The following ENOX1 variants were observed in gnomAD, a reference collection of about 807,000 sequenced individuals.
The protein encoded by ENOX1 is ecto-NOX disulfide-thiol exchanger 1.
A neutral mutation model predicts 82.5 loss-of-function variants in ENOX1; 42 were observed. The ratio of observed to expected loss-of-function variants is 0.51; its 90% CI spans 0.40 to 0.66. ENOX1 has a LOEUF of 0.66. Ranked by LOEUF, ENOX1 falls within the 30% of genes least tolerant of loss-of-function variation. ENOX1 has a pLI of 0.00. For missense variants in ENOX1, 608 were observed against 811.6 expected, an observed-to-expected ratio of 0.75 and a Z score of 3.05; for synonymous variants, 271 against 282.2, an observed-to-expected ratio of 0.96 and a Z score of 0.40.
intron 3 of ENOX1, among the ~76,000 whole-genome samples, chr13:43,452,288 C>T (rs970665866): frequency 6.6e-6 from 1 of 152,132 alleles, no homozygotes; most frequent in Non-Finnish European, 1.5e-5. Context: ...CACCCCTTGA[C>T]GGGCCCTGGT....
intron 2 of ENOX1, among the ~76,000 whole-genome samples, chr13:43,498,229 G>A (rs904144768): frequency 1.2e-4 from 18 of 151,874 alleles, no homozygotes; most frequent in African/African-American, 1.7e-4. Flanking sequence ...CCTCAGAGGC[G>A]GAAATATCTT....
At chr13:43,740,985 C>G (rs1239984590) in intron 1 of ENOX1, among the ~76,000 whole-genome samples, 2 of 151,924 alleles carry the variant, frequency 1.3e-5, no homozygotes, top group Non-Finnish European at 2.9e-5. Flanking sequence ...TTTCAGTTCT[C>G]TCGGGTAAAT....
chr13:43,464,300 AAC>A (rs1462165681), intron 3 of ENOX1, among the ~76,000 whole-genome samples: 1 of 152,228 alleles, frequency 6.6e-6, no homozygotes, highest in Non-Finnish European at 1.5e-5. Flanking sequence ...GCAAGAGGTC[AAC>A]AGATGATGAA....
chr13:43,421,206 G>T (rs1437949678), intron 3 of ENOX1, among the ~76,000 whole-genome samples: 1 of 152,148 alleles, frequency 6.6e-6, no homozygotes, highest in African/African-American at 2.4e-5. Context: ...GTCTTCTTTA[G>T]TATCTAACTA....
At chr13:43,335,356 A>G (rs2048636810) in intron 9 of ENOX1, among the ~76,000 whole-genome samples, 1 of 152,234 alleles carries the variant, frequency 6.6e-6, no homozygotes, top group African/African-American at 2.4e-5. Flanking sequence ...GCTTTAAAGT[A>G]ACTTTACTGA....
chr13:43,590,650 C>T (rs899951651), intron 2 of ENOX1, among the ~76,000 whole-genome samples: 16 of 151,810 alleles, frequency 1.1e-4, no homozygotes, highest in African/African-American at 3.6e-4. Context: ...GTGGCACGCG[C>T]CTGTAGTCCC....
At chr13:43,440,490 C>T (rs1001934772) in intron 3 of ENOX1, among the ~76,000 whole-genome samples, 2 of 151,994 alleles carry the variant, frequency 1.3e-5, no homozygotes, top group Non-Finnish European at 2.9e-5. Context: ...ATTTTACTGC[C>T]CTGAGATTGA....
chr13:43,455,814 C>T (rs1032602403), intron 3 of ENOX1, among the ~76,000 whole-genome samples: 1 of 151,850 alleles, frequency 6.6e-6, no homozygotes, highest in Non-Finnish European at 1.5e-5. Context: ...GGGGAAACCC[C>T]GTTTGCTTGC....
At chr13:43,648,986 C>G (rs2084026008) in intron 2 of ENOX1, among the ~76,000 whole-genome samples, 1 of 152,154 alleles carries the variant, frequency 6.6e-6, no homozygotes, top group Admixed American at 6.5e-5. Flanking sequence ...AGACACAGTG[C>G]TAGAGCCTAC....
intron 3 of ENOX1, among the ~76,000 whole-genome samples, chr13:43,443,054 C>A (rs529830540): frequency 2.0e-5 from 3 of 152,280 alleles, no homozygotes; most frequent in East Asian, 1.9e-4. Context: ...AAAGCCACAT[C>A]CTCTGATAAG....
chr13:43,500,488 G>A (rs2076942035), intron 2 of ENOX1, among the ~76,000 whole-genome samples: 1 of 152,174 alleles, frequency 6.6e-6, no homozygotes, highest in East Asian at 1.9e-4. Context: ...TGGTAAAAAT[G>A]TCCTTTAAAA....
At chr13:43,307,612 C>T (rs993276410) in intron 11 of ENOX1, among the ~76,000 whole-genome samples, 2 of 152,288 alleles carry the variant, frequency 1.3e-5, no homozygotes, top group East Asian at 1.9e-4. Context: ...TTTTACAACC[C>T]AACACAGCCT....
Position 43,581,122 on chromosome 13 carries a change from A to ATT in ENOX1, c.-219+86355_-219+86356dup, listed in dbSNP as rs1351057664. ...ACCTAAGTTATTTTAGCACTACCTG[A>ATT]TTCTTTTTTTTTTTTTTTTTTTTTT... On this transcript the variant is annotated intron_variant, in intron 2 of 16. Coordinates refer to ENST00000690772, the MANE Select transcript of ENOX1 (RefSeq NM_001347969.2). 5.3e-3 allele frequency among the ~76,000 whole-genome samples: 450 copies of ATT among 85,042 alleles called. 6 individuals carry two copies. The highest frequency in any genetic ancestry group is 0.02 in the South Asian group (51 of 2,540). 55.8% of individuals were successfully genotyped at this position (85,042 alleles called of 152,430 possible).
At chr13:43,267,867 T>C (rs1407878185) in intron 13 of ENOX1, among the ~76,000 whole-genome samples, 1 of 152,234 alleles carries the variant, frequency 6.6e-6, no homozygotes, top group Non-Finnish European at 1.5e-5. Context: ...GAAATTAATA[T>C]TGCAGATTTA....
At chr13:43,598,415 G>C (rs1167652529) in intron 2 of ENOX1, among the ~76,000 whole-genome samples, 2 of 152,140 alleles carry the variant, frequency 1.3e-5, no homozygotes, top group Non-Finnish European at 2.9e-5. Flanking sequence ...CAAGCAGATT[G>C]AAAGTACTAG....
chr13:43,709,845 C>G (rs2087568390), intron 1 of ENOX1, among the ~76,000 whole-genome samples: 1 of 152,036 alleles, frequency 6.6e-6, no homozygotes, highest in South Asian at 2.1e-4. Flanking sequence ...AAACAATAAT[C>G]ATAAAAAACA....
intron 11 of ENOX1, among the ~76,000 whole-genome samples, chr13:43,312,222 G>A (rs1043934978): frequency 6.6e-6 from 1 of 152,176 alleles, no homozygotes; most frequent in Admixed American, 6.5e-5. Context: ...ATTTCCCTGA[G>A]TCTGTGAATC....
intron 12 of ENOX1, among the ~76,000 whole-genome samples, chr13:43,289,297 C>G (rs918813216): frequency 6.6e-6 from 1 of 152,192 alleles, no homozygotes; most frequent in Non-Finnish European, 1.5e-5. Context: ...CCAGAAGCAT[C>G]ACACTACCTG....
chr13:43,295,433 C>A (rs1255481867), intron 12 of ENOX1, among the ~76,000 whole-genome samples: 1 of 152,120 alleles, frequency 6.6e-6, no homozygotes, highest in African/African-American at 2.4e-5. Context: ...GAACCCTGCC[C>A]ATAGTGTTTT....
Sources: allele counts gnomAD v4.1 joint callset (sites outside exome capture counted in the v4.1 genomes callset), GRCh38; gene constraint gnomAD v4.1.1; transcripts MANE v1.5; gene names NCBI Gene and HGNC (gene_info 2026-07-23, HGNC 2026-07-21).